POLN: variants seen among roughly 807,000 people sequenced by gnomAD.
POLN encodes the protein DNA polymerase N.
Under a neutral mutation model 113.5 loss-of-function variants are expected in POLN, and 108 were observed. The ratio of observed to expected loss-of-function variants is 0.95; its 90% CI spans 0.81 to 1.12. The LOEUF (loss-of-function observed/expected upper bound fraction) is 1.12. Ranked by LOEUF, POLN falls within the 50% of genes most tolerant of loss-of-function variation. POLN has a pLI of 0.00. For missense variants in POLN, 1,097 were observed against 1,077.1 expected (o/e 1.02, Z -0.26); for synonymous variants, 386 against 391.5 (o/e 0.99, Z 0.17).
intron 19 of POLN, among the ~76,000 whole-genome samples, chr4:2,121,455 A>G (rs1731441047): frequency 7.0e-6 from 1 of 142,910 alleles, no homozygotes; most frequent in South Asian, 2.2e-4. Context: ...AAAAAAAAAT[A>G]TATATATATA....
intron 16 of POLN, among the ~76,000 whole-genome samples, chr4:2,140,612 T>G (rs1167242936): frequency 6.6e-6 from 1 of 151,874 alleles, no homozygotes; most frequent in Non-Finnish European, 1.5e-5. Context: ...CCAGGTATGG[T>G]GGTTGTACAT....
rs776990379 is a variant in POLN, at chr4:2,189,638, C to CAA, written c.1021+3564_1021+3565dup. On this transcript the variant is annotated intron_variant, in intron 7 of 25. Coordinates refer to ENST00000511885, the MANE Select transcript of POLN (RefSeq NM_181808.4). ...TGGGCGACAGAGAGAGACTCCATCT[C>CAA]AAACAAAAAAAAAAGAAAAAAAATC... is the stretch of plus-strand genomic sequence containing the variant. Among the ~76,000 whole-genome samples, 775 of 140,400 alleles carry CAA rather than the reference C, an allele frequency of 5.5e-3. 5 individuals are homozygous for CAA. Among genetic ancestry groups the CAA allele is most frequent in the Non-Finnish European group, 7.8e-3 (520 of 66,344 alleles). 92.1% of individuals were successfully genotyped at this position (140,400 alleles called of 152,430 possible).
intron 16 of POLN, among the ~76,000 whole-genome samples, chr4:2,132,018 T>C (rs959017140): frequency 6.6e-6 from 1 of 152,168 alleles, no homozygotes; most frequent in Non-Finnish European, 1.5e-5. Flanking sequence ...ATCTGACGAA[T>C]TGTGCCAAGC....
chr4:2,207,326 A>G (rs1733870783), intron 5 of POLN, among the ~76,000 whole-genome samples: 1 of 151,648 alleles, frequency 6.6e-6, no homozygotes. Flanking sequence ...TGGGTGCAGG[A>G]AAGTAGAGGA....
At chr4:2,124,867 G>T (rs1364350282) in intron 19 of POLN, among the ~76,000 whole-genome samples, 1 of 152,034 alleles carries the variant, frequency 6.6e-6, no homozygotes, top group Admixed American at 6.6e-5. Context: ...GGAGCTCCAG[G>T]CTTCAAATAC....
intron 7 of POLN, among the ~76,000 whole-genome samples, chr4:2,189,222 T>C (rs1412143803): frequency 6.6e-6 from 1 of 152,002 alleles, no homozygotes; most frequent in Non-Finnish European, 1.5e-5. Context: ...TTAAAAGACA[T>C]AGAATAGCTG....
chr4:2,116,971 C>T (rs991071855), intron 19 of POLN, among the ~76,000 whole-genome samples: 1 of 152,204 alleles, frequency 6.6e-6, no homozygotes, highest in African/African-American at 2.4e-5. Flanking sequence ...ACTGACAAAA[C>T]AAATAGTTGC....
intron 20 of POLN, among the ~76,000 whole-genome samples, chr4:2,090,831 T>C (rs150227620): frequency 0.023 from 3,504 of 152,336 alleles, 64 homozygotes; most frequent in Non-Finnish European, 0.037. Context: ...GTCCCATTCA[T>C]GCATAGTTAG....
chr4:2,207,330 T>TAGAGG (rs994920032), intron 5 of POLN, among the ~76,000 whole-genome samples: 2 of 146,702 alleles, frequency 1.4e-5, no homozygotes, highest in African/African-American at 5.1e-5. Context: ...TGCAGGAAAG[T>TAGAGG]AGAGGAAAGG....
intron 7 of POLN, among the ~76,000 whole-genome samples, chr4:2,185,414 G>A (rs1733245604): frequency 1.3e-5 from 2 of 152,216 alleles, no homozygotes. Flanking sequence ...TAAGACAGAG[G>A]AAGGGAGAAC....
At chr4:2,222,709 T>C (rs942994269) in intron 3 of POLN, among the ~76,000 whole-genome samples, 3 of 148,794 alleles carry the variant, frequency 2.0e-5, no homozygotes, top group Non-Finnish European at 3.0e-5. Context: ...TTTTTTTTTT[T>C]TTTATTTTTC....
intron 9 of POLN, 68 bp from the exon 10 acceptor site, chr4:2,174,819 G>T: frequency 3.4e-6 from 4 of 1,180,044 alleles, no homozygotes; most frequent in Non-Finnish European, 4.8e-6. Flanking sequence ...TTGTTGAAAA[G>T]CCTACTTTTT....
At chr4:2,170,122 CTCACCACAGTAACCAATAT>C (rs1468430540) in intron 13 of POLN, among the ~76,000 whole-genome samples, 3 of 152,236 alleles carry the variant, frequency 2.0e-5, no homozygotes, top group African/African-American at 4.8e-5. Context: ...GAAGCTGGTT[CTCACCACAGTAACCAATAT>C]TCACAATAAC....
rs35683017 is a variant in POLN at position 2,158,937 on chromosome 4, C to T, written c.1611+218G>A. Among the ~76,000 whole-genome samples the T allele has an allele frequency of 1.8e-3, 268 of 152,288 alleles. 2 individuals carry two copies. The highest frequency in any genetic ancestry group is 6.8e-3 in the Middle Eastern group (2 of 294). On this transcript the variant is annotated intron_variant, in intron 14 of 25. Coordinates refer to ENST00000511885, the MANE Select transcript of POLN (RefSeq NM_181808.4). ...TCCTCATTGTCTTCTTCCATTTTGA[C>T]TCCTGGGGTTCACGAGTGGGGCTGA... is the stretch of plus-strand genomic sequence containing the variant.
intron 5 of POLN, among the ~76,000 whole-genome samples, chr4:2,206,412 C>T (rs920937786): frequency 6.6e-6 from 1 of 152,184 alleles, no homozygotes; most frequent in Admixed American, 6.5e-5. Flanking sequence ...CTTAATTAAA[C>T]TAAAAGGCTT....
chr4:2,110,038 T>C (rs1042155443), intron 19 of POLN, among the ~76,000 whole-genome samples: 1 of 152,176 alleles, frequency 6.6e-6, no homozygotes, highest in Non-Finnish European at 1.5e-5. Context: ...TAACAAACTG[T>C]CTCTCAGACC....
At chr4:2,157,644 A>T (rs1732467356) in intron 15 of POLN, among the ~76,000 whole-genome samples, 1 of 142,348 alleles carries the variant, frequency 7.0e-6, no homozygotes, top group South Asian at 2.3e-4. Flanking sequence ...AATTGCTTGG[A>T]GCCGGGAGGC....
intron 7 of POLN, among the ~76,000 whole-genome samples, chr4:2,186,817 T>C (rs1021276430): frequency 2.0e-5 from 3 of 152,190 alleles, no homozygotes; most frequent in African/African-American, 7.2e-5. Flanking sequence ...GTGAAGCTCT[T>C]TGATCAAGAA....
At chr4:2,078,059 G>T (rs571112841) in intron 23 of POLN, among the ~76,000 whole-genome samples, 1 of 152,322 alleles carries the variant, frequency 6.6e-6, no homozygotes, top group African/African-American at 2.4e-5. Flanking sequence ...GCCTGTCTGG[G>T]GCCTGCAGGG....
Sources: allele counts gnomAD v4.1 joint callset (sites outside exome capture counted in the v4.1 genomes callset), GRCh38; gene constraint gnomAD v4.1.1; transcripts MANE v1.5; gene names NCBI Gene and HGNC (gene_info 2026-07-23, HGNC 2026-07-21).